Variants in RBFOX1 observed in about 807,000 individuals in gnomAD.
RBFOX1 encodes RNA binding fox-1 homolog 1.
In RBFOX1, 8 loss-of-function variants were observed where a neutral mutation model predicts 57.7. The observed-to-expected ratio is 0.14, with a 90% CI of 0.08 to 0.25. The LOEUF (loss-of-function observed/expected upper bound fraction) is 0.25, where lower values mean the gene tolerates loss of function less well. Ranked by LOEUF, RBFOX1 falls within the 10% of genes least tolerant of loss-of-function variation. The pLI is 1.00. For missense variants in RBFOX1, 611 were observed against 548.5 expected (o/e 1.11, Z -1.14); for synonymous variants, 326 against 222.4 (o/e 1.47, Z -4.15).
chr16:5,581,801 C>T (rs1210314143), intron 2 of RBFOX1, among the ~76,000 whole-genome samples: 1 of 152,068 alleles, frequency 6.6e-6, no homozygotes, highest in African/African-American at 2.4e-5. Flanking sequence ...GAGTGGGAGG[C>T]AGACCATATG....
At chr16:7,662,730 C>G (rs1367550023) in intron 12 of RBFOX1, among the ~76,000 whole-genome samples, 1 of 152,218 alleles carries the variant, frequency 6.6e-6, no homozygotes, top group Non-Finnish European at 1.5e-5. Context: ...CACCGGGTCT[C>G]AAACATGGTG....
intron 3 of RBFOX1, among the ~76,000 whole-genome samples, chr16:6,719,247 A>C (rs2065450604): frequency 6.6e-6 from 1 of 152,174 alleles, no homozygotes; most frequent in Non-Finnish European, 1.5e-5. Context: ...AATATTAAAT[A>C]GTATTTAAAT....
At chr16:7,298,435 C>T (rs751120184) in intron 4 of RBFOX1, among the ~76,000 whole-genome samples, 8 of 151,932 alleles carry the variant, frequency 5.3e-5, no homozygotes, top group African/African-American at 1.5e-4. Flanking sequence ...ACTACAGATG[C>T]GTGCGACTAT....
chr16:5,940,570 A>G (rs34802878), intron 4 of RBFOX1, among the ~76,000 whole-genome samples: 37,954 of 152,162 alleles, frequency 0.25, 5,386 homozygotes, highest in Middle Eastern at 0.49. Context: ...TTGGGAAATT[A>G]TAATTCTTTA....
chr16:6,085,336 G>A (rs533559880), intron 1 of RBFOX1, among the ~76,000 whole-genome samples: 13 of 152,294 alleles, frequency 8.5e-5, no homozygotes, highest in Admixed American at 6.5e-4. Flanking sequence ...GCAGTGGTAC[G>A]ATCTTGGCTC....
chr16:7,053,682 C>T (rs572583883), intron 4 of RBFOX1, among the ~76,000 whole-genome samples: 93 of 152,248 alleles, frequency 6.1e-4, no homozygotes, highest in Non-Finnish European at 1.1e-3. Flanking sequence ...CCATTGTCGA[C>T]AGGAGTGTGG....
chr16:5,618,307 C>A (rs1479703079), intron 3 of RBFOX1, among the ~76,000 whole-genome samples: 3 of 150,336 alleles, frequency 2.0e-5, no homozygotes, highest in Non-Finnish European at 4.4e-5. Flanking sequence ...TTCATCCAAT[C>A]ATATACAGGA....
intron 1 of RBFOX1, among the ~76,000 whole-genome samples, chr16:6,189,860 C>T (rs547275297): frequency 2.0e-5 from 3 of 152,136 alleles, no homozygotes; most frequent in Non-Finnish European, 4.4e-5. Context: ...AGCTTTTTCA[C>T]TTGATGTGAT....
chr16:7,127,080 G>T (rs1387711201), intron 4 of RBFOX1, among the ~76,000 whole-genome samples: 1 of 151,214 alleles, frequency 6.6e-6, no homozygotes, highest in Non-Finnish European at 1.5e-5. Context: ...GACCCCTTTT[G>T]TTTAAACAGC....
At chr16:7,073,399 G>A (rs1271496689) in intron 4 of RBFOX1, among the ~76,000 whole-genome samples, 1 of 152,154 alleles carries the variant, frequency 6.6e-6, no homozygotes, top group African/African-American at 2.4e-5. Context: ...GAGCTTTACA[G>A]GGTCAAGAGC....
At chr16:5,895,616 C>G (rs1191176678) in intron 4 of RBFOX1, among the ~76,000 whole-genome samples, 1 of 152,190 alleles carries the variant, frequency 6.6e-6, no homozygotes. Context: ...ATCACAAAAG[C>G]TGGTTTACAT....
At chr16:7,465,062 C>T (rs575127631) in intron 4 of RBFOX1, among the ~76,000 whole-genome samples, 3 of 152,128 alleles carry the variant, frequency 2.0e-5, no homozygotes, top group South Asian at 2.1e-4. Context: ...GGGCATGGCA[C>T]GCCTCCTGCT....
intron 1 of RBFOX1, among the ~76,000 whole-genome samples, chr16:5,350,814 G>T (rs1254296384): frequency 6.6e-6 from 1 of 152,152 alleles, no homozygotes; most frequent in Non-Finnish European, 1.5e-5. Context: ...GCAGTGAGCC[G>T]ATATTGCACC....
chr16:5,316,065 T>C (rs747686396), intron 1 of RBFOX1, among the ~76,000 whole-genome samples: 33 of 152,166 alleles, frequency 2.2e-4, no homozygotes, highest in Non-Finnish European at 4.9e-4. Flanking sequence ...CTCTCAGCCA[T>C]ACATTGGCTG....
intron 3 of RBFOX1, among the ~76,000 whole-genome samples, chr16:6,970,804 A>C (rs141986761): frequency 6.6e-6 from 1 of 152,192 alleles, no homozygotes; most frequent in Non-Finnish European, 1.5e-5. Context: ...CCTGTCTACA[A>C]AGGAGACTGG....
At chr16:6,416,943 G>T (rs183435073) in intron 2 of RBFOX1, among the ~76,000 whole-genome samples, 1 of 152,236 alleles carries the variant, frequency 6.6e-6, no homozygotes, top group East Asian at 1.9e-4. Flanking sequence ...GTAACTTTCT[G>T]TGCATATTTT....
intron 1 of RBFOX1, among the ~76,000 whole-genome samples, chr16:5,330,213 C>A (rs893617220): frequency 6.6e-6 from 1 of 152,138 alleles, no homozygotes; most frequent in African/African-American, 2.4e-5. Flanking sequence ...TAGTCCATTG[C>A]AGTTGCATAG....
At chr16:5,415,345 C>T (rs993901228) in intron 1 of RBFOX1, among the ~76,000 whole-genome samples, 1 of 152,138 alleles carries the variant, frequency 6.6e-6, no homozygotes, top group South Asian at 2.1e-4. Flanking sequence ...CCCTTGCTAT[C>T]ACGAGAACAG....
At chr16:5,332,372 T>C (rs1340364165) in intron 1 of RBFOX1, among the ~76,000 whole-genome samples, 2 of 151,952 alleles carry the variant, frequency 1.3e-5, no homozygotes, top group Non-Finnish European at 2.9e-5. Flanking sequence ...GGTTCCAGCA[T>C]TTTTCTTGCC....
Sources: gnomAD v4.1 joint callset for allele counts (sites outside exome capture counted in the v4.1 genomes callset) on GRCh38, gnomAD v4.1.1 for gene constraint, MANE v1.5 for transcripts, NCBI Gene and HGNC (gene_info 2026-07-23, HGNC 2026-07-21) for gene names.